Variants in PPP1R9A observed in about 807,000 individuals in gnomAD.
The protein encoded by PPP1R9A is protein phosphatase 1 regulatory subunit 9A.
In PPP1R9A, 59 loss-of-function variants were observed where a neutral mutation model predicts 141.9. The observed-to-expected ratio is 0.42, with a 90% CI of 0.34 to 0.52. PPP1R9A has a LOEUF of 0.52. PPP1R9A is among the 20% of genes least tolerant of loss of function. PPP1R9A has a pLI of 0.10. For synonymous variants in PPP1R9A, 500 were observed against 569.7 expected (o/e 0.88, Z 1.74); for missense variants, 1,444 against 1,611.9 (o/e 0.90, Z 1.78).
chr7:95,215,974 T>A (rs1298007628), intron 7 of PPP1R9A, among the ~76,000 whole-genome samples: 5 of 152,218 alleles, frequency 3.3e-5, no homozygotes, highest in Non-Finnish European at 7.3e-5. Context: ...CCCTTTAATT[T>A]AATTAGATCC....
intron 2 of PPP1R9A, among the ~76,000 whole-genome samples, chr7:95,006,558 C>T (rs1017860958): frequency 6.6e-6 from 1 of 151,872 alleles, no homozygotes; most frequent in Non-Finnish European, 1.5e-5. Flanking sequence ...TTGGCTAGGC[C>T]TTTGATTTTT....
intron 2 of PPP1R9A, among the ~76,000 whole-genome samples, chr7:95,030,611 A>T (rs894457299): frequency 6.6e-6 from 1 of 152,076 alleles, no homozygotes; most frequent in African/African-American, 2.4e-5. Flanking sequence ...TCCAAGTGTT[A>T]GCTCTGAAGT....
rs149278783 is a variant in PPP1R9A at position 95,198,056 on chromosome 7, G to A, written c.1755-293G>A. Among the ~76,000 whole-genome samples the A allele has an allele frequency of 2.6e-3, 394 of 152,280 alleles. 1 individual carries two copies. The highest frequency in any genetic ancestry group is 9.1e-3 in the African/African-American group (380 of 41,548). The stretch of plus-strand genomic sequence containing the variant: ...TTCTATTTTGTATGGCATCAAAAAT[G>A]TGTAAAGTACTGCAGAATGGGTTAC... On this transcript the variant is annotated intron_variant, in intron 5 of 19. Coordinates refer to ENST00000433360, the MANE Select transcript of PPP1R9A (RefSeq NM_001166160.2).
At chr7:95,263,457 C>T (rs1004006460) in intron 12 of PPP1R9A, among the ~76,000 whole-genome samples, 10 of 149,978 alleles carry the variant, frequency 6.7e-5, no homozygotes, top group South Asian at 4.3e-4. Flanking sequence ...TGTTTTGAGA[C>T]GGAGTCTTGC....
At chr7:95,005,900 C>T (rs1803519505) in intron 2 of PPP1R9A, among the ~76,000 whole-genome samples, 1 of 151,858 alleles carries the variant, frequency 6.6e-6, no homozygotes, top group Non-Finnish European at 1.5e-5. Flanking sequence ...TTATTATTCT[C>T]TTCTAAAGAT....
chr7:94,997,704 T>C (rs1369787763), intron 2 of PPP1R9A, among the ~76,000 whole-genome samples: 1 of 152,180 alleles, frequency 6.6e-6, no homozygotes, highest in Non-Finnish European at 1.5e-5. Flanking sequence ...ACTTAGTAGT[T>C]AGCTATTGGC....
intron 2 of PPP1R9A, among the ~76,000 whole-genome samples, chr7:94,937,096 G>A (rs1794853725): frequency 6.6e-6 from 1 of 151,958 alleles, no homozygotes; most frequent in Non-Finnish European, 1.5e-5. Flanking sequence ...TTTCTTTATT[G>A]ATGGATATTA....
chr7:95,056,611 C>T (rs942389177), intron 2 of PPP1R9A, among the ~76,000 whole-genome samples: 1 of 152,038 alleles, frequency 6.6e-6, no homozygotes, highest in African/African-American at 2.4e-5. Context: ...CAGTATTTTT[C>T]AGTTTGCAAA....
chr7:95,062,979 G>T (rs1200999517), intron 2 of PPP1R9A, among the ~76,000 whole-genome samples: 1 of 152,122 alleles, frequency 6.6e-6, no homozygotes, highest in Non-Finnish European at 1.5e-5. Context: ...ATTGGAAATT[G>T]ACTGGTCAAA....
At chr7:95,024,390 C>G (rs1485773284) in intron 2 of PPP1R9A, among the ~76,000 whole-genome samples, 1 of 152,078 alleles carries the variant, frequency 6.6e-6, no homozygotes, top group African/African-American at 2.4e-5. Context: ...AAATCTCCCA[C>G]TATTATTGTG....
chr7:95,212,222 G>C (rs2152916903), intron 7 of PPP1R9A, among the ~76,000 whole-genome samples: 1 of 152,050 alleles, frequency 6.6e-6, no homozygotes, highest in African/African-American at 2.4e-5. Context: ...CATCATTTCA[G>C]GGTACATGTG....
At chr7:95,268,300 T>A (rs572739097) in intron 12 of PPP1R9A, among the ~76,000 whole-genome samples, 1 of 152,138 alleles carries the variant, frequency 6.6e-6, no homozygotes, top group Non-Finnish European at 1.5e-5. Flanking sequence ...GCAGGAAGGT[T>A]GTATGCTTTT....
At chr7:95,094,879 CAA>C (rs1166550834) in intron 2 of PPP1R9A, among the ~76,000 whole-genome samples, 658 of 44,842 alleles carry the variant, frequency 0.015, 1 homozygote, top group Middle Eastern at 0.023. Flanking sequence ...GACTGCGTCT[CAA>C]AAAAAAAAAA....
chr7:95,007,166 T>C (rs1803736205), intron 2 of PPP1R9A, among the ~76,000 whole-genome samples: 1 of 152,198 alleles, frequency 6.6e-6, no homozygotes, highest in African/African-American at 2.4e-5. Flanking sequence ...CCGGCCATAA[T>C]AAATTTTTGA....
intron 2 of PPP1R9A, among the ~76,000 whole-genome samples, chr7:95,076,316 C>T (rs1402063549): frequency 6.6e-6 from 1 of 152,204 alleles, no homozygotes. Context: ...ATTCCCTTCA[C>T]AGACTCACAT....
chr7:94,987,594 A>G lies in PPP1R9A; in HGVS notation c.1395+76086A>G, dbSNP rs370121028. ...GTCACATACCCTTACCCTAAAAGTG[A>G]CACATTTTAGGTATCTTCCCTGAAT... On this transcript the variant is annotated intron_variant, in intron 2 of 19. Coordinates refer to ENST00000433360, the MANE Select transcript of PPP1R9A (RefSeq NM_001166160.2). Among the ~76,000 whole-genome samples, 6 of 152,290 alleles carry G rather than the reference A, an allele frequency of 3.9e-5. No individual in the cohort carries two copies. The East Asian group carries it at 9.6e-4, about 24-fold the overall frequency.
intron 4 of PPP1R9A, among the ~76,000 whole-genome samples, chr7:95,158,376 C>G (rs1829959788): frequency 6.6e-6 from 1 of 152,104 alleles, no homozygotes; most frequent in South Asian, 2.1e-4. Flanking sequence ...AAACATAGGC[C>G]CAAGGCAGTG....
At chr7:95,064,190 C>T (rs375400887) in intron 2 of PPP1R9A, among the ~76,000 whole-genome samples, 9 of 152,164 alleles carry the variant, frequency 5.9e-5, no homozygotes, top group African/African-American at 2.2e-4. Context: ...CCCTGCCAGC[C>T]TCTGGTCACA....
intron 2 of PPP1R9A, among the ~76,000 whole-genome samples, chr7:94,987,454 A>G (rs1281911784): frequency 1.3e-5 from 2 of 152,200 alleles, no homozygotes; most frequent in East Asian, 3.8e-4. Context: ...CTTCCAGTAA[A>G]AATCAAGATG....
Sources: allele counts gnomAD v4.1 joint callset (sites outside exome capture counted in the v4.1 genomes callset), GRCh38; gene constraint gnomAD v4.1.1; transcripts MANE v1.5; gene names NCBI Gene and HGNC (gene_info 2026-07-23, HGNC 2026-07-21).